The following RGL1 variants were observed in gnomAD, a reference collection of about 807,000 sequenced individuals.
The protein encoded by RGL1 is ral guanine nucleotide dissociation stimulator like 1.
In RGL1, 24 loss-of-function variants were observed where a neutral mutation model predicts 95.2. The observed-to-expected ratio is 0.25, with a 90% CI of 0.18 to 0.35. The LOEUF is 0.35. Among genes scored for constraint, RGL1 ranks in the 10% least tolerant of loss-of-function variants. The pLI is 1.00. For missense variants in RGL1, 715 were observed against 936.3 expected (o/e 0.76, Z 3.08); for synonymous variants, 329 against 344.9 (o/e 0.95, Z 0.51).
intron 4 of RGL1, among the ~76,000 whole-genome samples, chr1:183,870,321 T>G (rs201750522): frequency 0.013 from 1,359 of 106,698 alleles, 8 homozygotes; most frequent in Non-Finnish European, 0.016. Context: ...GCCAGGGTAG[T>G]TGTCTTCCGG....
chr1:183,822,584 A>G (rs553642532), intron 2 of RGL1, among the ~76,000 whole-genome samples: 31 of 152,192 alleles, frequency 2.0e-4, no homozygotes, highest in Non-Finnish European at 4.3e-4. Flanking sequence ...AGACTAAAAG[A>G]TCGTCAAGGT....
intron 16 of RGL1, 115 bp downstream of exon 16, chr1:183,916,816 A>G (rs1021009766): frequency 1.3e-5 from 16 of 1,187,530 alleles, no homozygotes; most frequent in Middle Eastern, 2.8e-4. Context: ...GCATATACAT[A>G]TATGCATTCA....
intron 3 of RGL1, among the ~76,000 whole-genome samples, chr1:183,859,489 C>CT (rs377003194): frequency 2.0e-5 from 3 of 152,264 alleles, no homozygotes; most frequent in African/African-American, 4.8e-5. Context: ...CATTTTGTAA[C>CT]TGTCAAGTGG....
At chr1:183,817,276 G>C (rs758552344) in intron 2 of RGL1, among the ~76,000 whole-genome samples, 1 of 152,178 alleles carries the variant, frequency 6.6e-6, no homozygotes, top group Non-Finnish European at 1.5e-5. Flanking sequence ...GAGTAGTCCT[G>C]TTGCTGCTTT....
chr1:183,817,508 G>A (rs1405421371), intron 2 of RGL1, among the ~76,000 whole-genome samples: 3 of 151,894 alleles, frequency 2.0e-5, no homozygotes, highest in South Asian at 4.2e-4. Flanking sequence ...TTGGCTGCTC[G>A]GCCACAAATC....
intron 3 of RGL1, among the ~76,000 whole-genome samples, chr1:183,864,877 G>C (rs1205965648): frequency 6.6e-6 from 1 of 152,194 alleles, no homozygotes; most frequent in African/African-American, 2.4e-5. Flanking sequence ...CAGATGGTGG[G>C]CTTTTATTTT....
intron 17 of RGL1, among the ~76,000 whole-genome samples, chr1:183,924,413 C>A (rs985119203): frequency 2.0e-5 from 3 of 151,846 alleles, no homozygotes; most frequent in Non-Finnish European, 2.9e-5. Context: ...GGGAGTTGAA[C>A]AATGAGAACA....
chr1:183,895,798 T>G (rs1254989526), intron 9 of RGL1, among the ~76,000 whole-genome samples: 3 of 152,194 alleles, frequency 2.0e-5, no homozygotes, highest in Non-Finnish European at 2.9e-5. Flanking sequence ...TAATAGGGAC[T>G]CGTCGGTCTT....
intron 1 of RGL1, among the ~76,000 whole-genome samples, chr1:183,688,486 A>G (rs1653753423): frequency 6.6e-6 from 1 of 152,224 alleles, no homozygotes; most frequent in East Asian, 1.9e-4. Flanking sequence ...GACAGCAAGG[A>G]CTTTCATGTC....
chr1:183,651,609 G>A (rs1451912652), intron 1 of RGL1, among the ~76,000 whole-genome samples: 1 of 152,212 alleles, frequency 6.6e-6, no homozygotes, highest in Non-Finnish European at 1.5e-5. Context: ...ATATCCTGCA[G>A]TAACTCTGGC....
intron 1 of RGL1, among the ~76,000 whole-genome samples, chr1:183,711,619 C>G (rs1170209204): frequency 1.3e-5 from 2 of 152,080 alleles, no homozygotes; most frequent in South Asian, 2.1e-4. Context: ...CCTTGGAAAG[C>G]CTTGGAGGGG....
intron 2 of RGL1, among the ~76,000 whole-genome samples, chr1:183,794,014 C>T (rs896955286): frequency 6.6e-6 from 1 of 150,672 alleles, no homozygotes; most frequent in Non-Finnish European, 1.5e-5. Context: ...ATAGAATCAA[C>T]CTAAGTGTAC....
chr1:183,636,139 T>C, exon 1 of RGL1: 1 of 398,892 alleles, frequency 2.5e-6, no homozygotes, highest in Middle Eastern at 6.3e-4. Flanking sequence ...CAGCGGCAGG[T>C]GGCCTTGGCT....
intron 1 of RGL1, among the ~76,000 whole-genome samples, chr1:183,704,366 G>A (rs1291928958): frequency 6.6e-6 from 1 of 152,176 alleles, no homozygotes; most frequent in Non-Finnish European, 1.5e-5. Flanking sequence ...AATATATGTT[G>A]ATCTGTTGTC....
intron 3 of RGL1, among the ~76,000 whole-genome samples, chr1:183,857,795 A>G (rs947862384): frequency 6.6e-6 from 1 of 152,180 alleles, no homozygotes; most frequent in Admixed American, 6.5e-5. Flanking sequence ...TACTTTTGCC[A>G]AGTGGACCCA....
chr1:183,755,962 C>A (rs902205835), intron 2 of RGL1, among the ~76,000 whole-genome samples: 2 of 150,930 alleles, frequency 1.3e-5, no homozygotes, highest in African/African-American at 4.9e-5. Context: ...CGGCTCACTG[C>A]AACCTCTGCC....
At chr1:183,851,497 G>A (rs1466807419) in intron 3 of RGL1, among the ~76,000 whole-genome samples, 2 of 152,076 alleles carry the variant, frequency 1.3e-5, no homozygotes, top group African/African-American at 2.4e-5. Flanking sequence ...GATTACATAT[G>A]GCTTCAAATT....
chr1:183,779,820 A>G (rs955020790), intron 2 of RGL1, among the ~76,000 whole-genome samples: 1 of 152,064 alleles, frequency 6.6e-6, no homozygotes, highest in African/African-American at 2.4e-5. Flanking sequence ...ATGATAGGAA[A>G]GCATCAGTGT....
At chr1:183,758,384 A>C (rs940400739) in intron 2 of RGL1, among the ~76,000 whole-genome samples, 1 of 152,054 alleles carries the variant, frequency 6.6e-6, no homozygotes, top group African/African-American at 2.4e-5. Context: ...ATTTTAGTAG[A>C]GACGGGGTTT....
Sources: allele counts gnomAD v4.1 joint callset (sites outside exome capture counted in the v4.1 genomes callset), GRCh38; gene constraint gnomAD v4.1.1; transcripts MANE v1.5; gene names NCBI Gene and HGNC (gene_info 2026-07-23, HGNC 2026-07-21).